AP3B1: variants seen among roughly 807,000 people sequenced by gnomAD.
AP3B1 encodes the protein AP-3 complex subunit beta-1.
Under a neutral mutation model 132.5 loss-of-function variants are expected in AP3B1, and 61 were observed. The observed-to-expected ratio is 0.46, with a 90% CI of 0.37 to 0.57. The LOEUF (loss-of-function observed/expected upper bound fraction) is 0.57. AP3B1 is among the 20% of genes least tolerant of loss of function. The probability of loss-of-function intolerance (pLI) is 0.00; values close to 1 mark genes in which losing one functional copy is unlikely to be tolerated. For synonymous variants in AP3B1, 388 were observed against 438.3 expected (o/e 0.89, Z 1.43); for missense variants, 1,120 against 1,289.4 (o/e 0.87, Z 2.01).
At chr5:78,244,347 G>C (rs1326591854) in intron 2 of AP3B1, among the ~76,000 whole-genome samples, 1 of 151,762 alleles carries the variant, frequency 6.6e-6, no homozygotes, top group Admixed American at 6.6e-5. Context: ...TGGGAGCCGG[G>C]GATTGCAGTG....
Position 78,104,371 on chromosome 5 carries a change from C to T in AP3B1, c.2398-3346G>A, listed in dbSNP as rs149875543. On this transcript the variant is annotated intron_variant, in intron 20 of 26. Coordinates refer to ENST00000255194, the MANE Select transcript of AP3B1 (RefSeq NM_003664.5). ...CAGATCTTTTCCTATTAGAGTACGC[C>T]TACTTCAATAAGAAAGCCTGCTTAA... Among the ~76,000 whole-genome samples, 319 of 152,196 alleles carry T rather than the reference C, an allele frequency of 2.1e-3. 1 individual carries two copies. The highest frequency in any genetic ancestry group is 7.4e-3 in the African/African-American group (307 of 41,560).
rs1746761389 is a variant in AP3B1 at position 78,014,273 on chromosome 5, C to G, written c.3131+1137G>C. ...CTAGTACATGCAGTTTTTATTCCGC[C>G]GTGATTAGTACAGTGAAGTTAGGCA... On this transcript the variant is annotated intron_variant, in intron 26 of 26. Transcript: ENST00000255194. Among the ~76,000 whole-genome samples the G allele has an allele frequency of 2.6e-5, 4 of 151,874 alleles. No individual in the cohort carries two copies. The South Asian group carries it at 8.3e-4, about 32-fold the overall frequency.
rs2112495934 is a variant in AP3B1 at position 78,228,242 on chromosome 5, G to GT, written c.280-4dup. ...TAAACATATACCAACTTCTTGATCTGTTAAAAAAAAATCATTTATTCATAA... is the reference window on the plus strand; with the variant it reads ...TAAACATATACCAACTTCTTGATCTGTTTAAAAAAAAATCATTTATTCATAA... On this transcript the variant is annotated splice_polypyrimidine_tract_variant and splice_region_variant and intron_variant, in intron 3 of 26. Transcript: ENST00000255194. 6.3e-7 allele frequency: 1 copy of GT among 1,578,180 alleles called. No homozygotes were observed. The highest frequency in any genetic ancestry group is 2.3e-5 in the East Asian group (1 of 43,876).
chr5:78,101,475 AGG>A, intron 20 of AP3B1: 1 of 307,096 alleles, frequency 3.3e-6, no homozygotes, highest in East Asian at 9.8e-5. Context: ...AGTTTGTGAC[AGG>A]CATTGTACTA....
chr5:78,012,120 T>C (rs1746648384), intron 26 of AP3B1, among the ~76,000 whole-genome samples: 1 of 151,884 alleles, frequency 6.6e-6, no homozygotes, highest in African/African-American at 2.4e-5. Context: ...AAGGGAATCA[T>C]TCAAAATCTC....
At chr5:78,151,253 G>A (rs1377311698) in intron 14 of AP3B1, among the ~76,000 whole-genome samples, 2 of 152,160 alleles carry the variant, frequency 1.3e-5, no homozygotes, top group Non-Finnish European at 2.9e-5. Flanking sequence ...ATAAAGGTAA[G>A]TTGTAGGAAT....
At chr5:78,119,136 G>C (rs1174819954) in intron 17 of AP3B1, among the ~76,000 whole-genome samples, 1 of 152,234 alleles carries the variant, frequency 6.6e-6, no homozygotes, top group African/African-American at 2.4e-5. Flanking sequence ...GGTCCTGTCT[G>C]TTAGAAGGAA....
At chr5:78,290,608 A>G (rs375451088) in intron 1 of AP3B1, among the ~76,000 whole-genome samples, 1 of 152,196 alleles carries the variant, frequency 6.6e-6, no homozygotes, top group Non-Finnish European at 1.5e-5. Context: ...TAAATGAAGA[A>G]AAACAACTTA....
intron 1 of AP3B1, among the ~76,000 whole-genome samples, chr5:78,289,806 A>G (rs960816090): frequency 6.6e-6 from 1 of 152,168 alleles, no homozygotes. Flanking sequence ...TCGTCTAACA[A>G]GAAAAGTCTT....
chr5:78,034,332 A>G (rs761328208), intron 24 of AP3B1, 29 bp downstream of exon 24: 1 of 1,551,684 alleles, frequency 6.4e-7, no homozygotes, highest in African/African-American at 1.4e-5. Context: ...TACAGGTTAT[A>G]TAAAAAATAG....
At chr5:78,019,513 GC>G (rs1747002439) in intron 25 of AP3B1, among the ~76,000 whole-genome samples, 2 of 152,108 alleles carry the variant, frequency 1.3e-5, no homozygotes, top group African/African-American at 2.4e-5. Flanking sequence ...GCTTTAGCCA[GC>G]AAAGGGTAAG....
intron 1 of AP3B1, among the ~76,000 whole-genome samples, chr5:78,292,775 C>T (rs115212911): frequency 2.2e-3 from 342 of 152,178 alleles, no homozygotes; most frequent in African/African-American, 7.6e-3. Context: ...TATTTTAAAT[C>T]CAACCTGTTA....
chr5:78,082,231 C>A (rs1271589000), intron 22 of AP3B1, among the ~76,000 whole-genome samples: 2 of 152,194 alleles, frequency 1.3e-5, no homozygotes, highest in Non-Finnish European at 1.5e-5. Context: ...CCTCTCTACC[C>A]TGTCAATCCC....
intron 26 of AP3B1, among the ~76,000 whole-genome samples, chr5:78,009,230 G>A (rs1443283442): frequency 6.6e-6 from 1 of 151,578 alleles, no homozygotes; most frequent in Non-Finnish European, 1.5e-5. Context: ...CAAAGTGGGA[G>A]GACTGCTTGA....
intron 1 of AP3B1, among the ~76,000 whole-genome samples, chr5:78,269,540 T>C (rs1267086371): frequency 6.6e-6 from 1 of 152,200 alleles, no homozygotes; most frequent in African/African-American, 2.4e-5. Flanking sequence ...GTGTTAGGGC[T>C]ATTATGTAGT....
At chr5:78,188,972 C>G (rs1744714386) in intron 7 of AP3B1, among the ~76,000 whole-genome samples, 1 of 152,092 alleles carries the variant, frequency 6.6e-6, no homozygotes, top group Non-Finnish European at 1.5e-5. Flanking sequence ...CAAACTAATG[C>G]AGGAACAAAA....
At chr5:78,141,371 T>A in intron 14 of AP3B1, 52 bp from the exon 15 acceptor site, 1 of 1,436,316 alleles carries the variant, frequency 7.0e-7, no homozygotes, top group Non-Finnish European at 9.7e-7. Flanking sequence ...CATACTCTAA[T>A]ATTAACATAG....
At chr5:78,083,268 G>A (rs1750094857) in intron 22 of AP3B1, among the ~76,000 whole-genome samples, 1 of 152,168 alleles carries the variant, frequency 6.6e-6, no homozygotes, top group South Asian at 2.1e-4. Context: ...TCATGTTGAT[G>A]TTTACCAGTT....
At chr5:78,172,455 T>C (rs1241757074) in intron 11 of AP3B1, among the ~76,000 whole-genome samples, 3 of 152,230 alleles carry the variant, frequency 2.0e-5, no homozygotes, top group African/African-American at 7.2e-5. Context: ...CTTCCTCGTT[T>C]AGTCTTGGGA....
Sources: gnomAD v4.1 joint callset for allele counts (sites outside exome capture counted in the v4.1 genomes callset) on GRCh38, gnomAD v4.1.1 for gene constraint, MANE v1.5 for transcripts, NCBI Gene and HGNC (gene_info 2026-07-23, HGNC 2026-07-21) for gene names.